Variants in ZNF578 observed in about 807,000 individuals in gnomAD.
ZNF578 encodes zinc finger protein 578.
Under a neutral mutation model 8.3 loss-of-function variants are expected in ZNF578, and 8 were observed. The ratio of observed to expected loss-of-function variants is 0.96; its 90% CI spans 0.56 to 1.74. The LOEUF (loss-of-function observed/expected upper bound fraction) is 1.74, where lower values mean the gene tolerates loss of function less well. Ranked by LOEUF, ZNF578 falls within the 40% of genes most tolerant of loss-of-function variation. ZNF578 has a pLI of 0.00. For missense variants in ZNF578, 726 were observed against 707.5 expected (o/e 1.03, Z -0.30); for synonymous variants, 206 against 232.2 (o/e 0.89, Z 1.03).
In ZNF578 at chr19:52,471,821, A is replaced by T. The variant is rs115437360; in HGVS notation, c.-122+14863A>T. Among the ~76,000 whole-genome samples, 996 of 152,336 alleles carry T rather than the reference A, an allele frequency of 6.5e-3. 9 individuals carry two copies. Among genetic ancestry groups the T allele is most frequent in the African/African-American group, 0.023 (958 of 41,570 alleles). On this transcript the variant is annotated intron_variant, in intron 2 of 5. Coordinates refer to ENST00000421239, the MANE Select transcript of ZNF578 (RefSeq NM_001099694.2). ...TGGGCAAAAGTTAAAATTACCAAAAAAAAGGTATGAAGGTGAATATATGAA... is the reference window on the plus strand; with the variant it reads ...TGGGCAAAAGTTAAAATTACCAAAATAAAGGTATGAAGGTGAATATATGAA...
intron 5 of ZNF578, among the ~76,000 whole-genome samples, chr19:52,507,293 TGG>T (rs2059428688): frequency 3.3e-5 from 5 of 152,034 alleles, no homozygotes; most frequent in African/African-American, 1.2e-4. Context: ...GAGGCTGAGA[TGG>T]GAGAATCACT....
At chr19:52,495,229 A>G (rs1317194547) in intron 3 of ZNF578, among the ~76,000 whole-genome samples, 1 of 139,868 alleles carries the variant, frequency 7.1e-6, no homozygotes, top group Non-Finnish European at 1.6e-5. Context: ...CAAGGGCACG[A>G]TCTTGGCTAA....
Position 52,514,750 on chromosome 19 carries a change from C to T in ZNF578, c.*2596C>T, listed in dbSNP as rs1215965656. The stretch of plus-strand genomic sequence containing the variant: ...CGATCTCAGCTCACTGCAACCTCTA[C>T]CTCCTTGGATCAAGTGATGCTCCTG... On this transcript the variant is annotated 3_prime_UTR_variant, in exon 6 of 6. Coordinates refer to ENST00000421239, the MANE Select transcript of ZNF578 (RefSeq NM_001099694.2). Among the ~76,000 whole-genome samples the T allele has an allele frequency of 1.3e-5, 2 of 152,098 alleles. No individual in the cohort carries two copies. Among genetic ancestry groups the T allele is most frequent in the Non-Finnish European group, 2.9e-5 (2 of 68,020 alleles).
In ZNF578 at chr19:52,515,645, G is replaced by A. The variant is rs541884596; in HGVS notation, c.*3491G>A. ...CCAGTGAGCCTCCCTGCAACTTGGCGACGAGGGGCTTGACCAGAAAAGGTC... is the reference window on the plus strand; with the variant it reads ...CCAGTGAGCCTCCCTGCAACTTGGCAACGAGGGGCTTGACCAGAAAAGGTC... On this transcript the variant is annotated 3_prime_UTR_variant, in exon 6 of 6. Transcript: ENST00000421239. Among the ~76,000 whole-genome samples, 91 of 152,058 alleles carry A rather than the reference G, an allele frequency of 6.0e-4. 2 individuals are homozygous for A. The South Asian group carries it at 0.011, about 19-fold the overall frequency.
intron 2 of ZNF578, among the ~76,000 whole-genome samples, chr19:52,489,446 G>T (rs1304911475): frequency 7.9e-5 from 12 of 151,236 alleles, no homozygotes. Context: ...AAATTAGCTG[G>T]GTGTGGTGGC....
At chr19:52,503,538 G>A (rs528784308) in intron 4 of ZNF578, among the ~76,000 whole-genome samples, 1 of 152,236 alleles carries the variant, frequency 6.6e-6, no homozygotes, top group South Asian at 2.1e-4. Flanking sequence ...ATAGAGATAT[G>A]GTTTCAGCAT....
intron 2 of ZNF578, among the ~76,000 whole-genome samples, chr19:52,489,457 G>A (rs1224165391): frequency 2.0e-5 from 3 of 150,332 alleles, no homozygotes; most frequent in East Asian, 2.1e-4. Context: ...GTGTGGTGGC[G>A]CATGCCTGTA....
intron 3 of ZNF578, among the ~76,000 whole-genome samples, chr19:52,501,614 G>C (rs1349150819): frequency 6.7e-6 from 1 of 149,642 alleles, no homozygotes; most frequent in African/African-American, 2.5e-5. Flanking sequence ...TGTGGTGGCT[G>C]CTCCAGGAGG....
rs1296089835 is a variant in ZNF578 at position 52,501,097 on chromosome 19, T to C, written c.-19-730T>C. Among the ~76,000 whole-genome samples the C allele has an allele frequency of 3.7e-4, 57 of 152,046 alleles. 1 individual carries two copies. Among genetic ancestry groups the C allele is most frequent in the Non-Finnish European group, 1.9e-4 (13 of 67,996 alleles). ...TTTCGCCATGTTGGCCAGTCTGGTC[T>C]TGAAGTCCTGACCCTGTGATCCAGC... On this transcript the variant is annotated intron_variant, in intron 3 of 5. Transcript: ENST00000421239.
intron 4 of ZNF578, among the ~76,000 whole-genome samples, chr19:52,503,514 T>G (rs1242315521): frequency 1.3e-5 from 2 of 152,016 alleles, no homozygotes; most frequent in Non-Finnish European, 2.9e-5. Flanking sequence ...CCTGGCTAAG[T>G]TTTTTGTATT....
chr19:52,474,222 A>G (rs2059301052), intron 2 of ZNF578: 2 of 308,250 alleles, frequency 6.5e-6, no homozygotes, highest in Non-Finnish European at 1.3e-5. Context: ...GCTTTGCCAC[A>G]TTCAATATAT....
At chr19:52,472,171 A>G (rs1366459817) in intron 2 of ZNF578, among the ~76,000 whole-genome samples, 1 of 152,128 alleles carries the variant, frequency 6.6e-6, no homozygotes, top group Admixed American at 6.5e-5. Flanking sequence ...CGGGTAGATC[A>G]CCTGAGGCCA....
intron 1 of ZNF578, chr19:52,453,952 G>A (rs1456391623): frequency 1.3e-5 from 2 of 152,264 alleles, no homozygotes; most frequent in African/African-American, 2.4e-5. Flanking sequence ...TTGGAGCTCG[G>A]TCCCGCAGTC....
intron 2 of ZNF578, among the ~76,000 whole-genome samples, chr19:52,483,728 A>G (rs1479513312): frequency 6.6e-6 from 1 of 152,232 alleles, no homozygotes; most frequent in East Asian, 1.9e-4. Context: ...ATGCATATAT[A>G]TAAAATTGCT....
rs775185721 is a variant in ZNF578 at position 52,504,799 on chromosome 19, G to C, written c.190+18G>C. 2 of 1,613,916 alleles carry C rather than the reference G, an allele frequency of 1.2e-6. No homozygotes were observed. Among genetic ancestry groups the C allele is most frequent in the Non-Finnish European group, 1.7e-6 (2 of 1,179,940 alleles). On this transcript the variant is annotated intron_variant, in intron 5 of 5. Coordinates refer to ENST00000421239, the MANE Select transcript of ZNF578 (RefSeq NM_001099694.2). Reference sequence around the variant, plus strand: ...GGCTGTGGGTGAGGAAAATGTCCCTGCAGACATGAGGAGTCTGCTCTTGTC... The same window carrying C: ...GGCTGTGGGTGAGGAAAATGTCCCTCCAGACATGAGGAGTCTGCTCTTGTC...
At position 52,513,091 on chromosome 19, in the gene ZNF578, A is replaced by T. The variant is rs1352830019; in HGVS notation, c.*937A>T. ...GCTAGAGTGCAATGGTGCGATCTTG[A>T]CTCACAGCAACCTCCGCCTCCTGGG... is the stretch of plus-strand genomic sequence containing the variant. On this transcript the variant is annotated 3_prime_UTR_variant, in exon 6 of 6. Coordinates refer to ENST00000421239, the MANE Select transcript of ZNF578 (RefSeq NM_001099694.2). 6.6e-6 allele frequency among the ~76,000 whole-genome samples: 1 copy of T among 151,972 alleles called. No individual in the cohort carries two copies. The highest frequency in any genetic ancestry group is 3.2e-3 in the Middle Eastern group (1 of 316).
chr19:52,475,766 T>C (rs2059306614), intron 2 of ZNF578, among the ~76,000 whole-genome samples: 1 of 152,212 alleles, frequency 6.6e-6, no homozygotes, highest in South Asian at 2.1e-4. Flanking sequence ...TCAGTAACAA[T>C]AGTGCCTGCG....
intron 2 of ZNF578, among the ~76,000 whole-genome samples, chr19:52,490,761 C>T (rs781573344): frequency 2.4e-4 from 36 of 152,040 alleles, no homozygotes; most frequent in Non-Finnish European, 4.7e-4. Context: ...CCTCAGCCTC[C>T]CGAGTAGCTG....
chr19:52,468,218 G>A (rs867576067), intron 2 of ZNF578, among the ~76,000 whole-genome samples: 15 of 152,190 alleles, frequency 9.9e-5, no homozygotes, highest in African/African-American at 3.4e-4. Context: ...TGACATTTCT[G>A]TAGCTTTTGG....
Sources: allele counts gnomAD v4.1 joint callset (sites outside exome capture counted in the v4.1 genomes callset), GRCh38; gene constraint gnomAD v4.1.1; transcripts MANE v1.5; gene names NCBI Gene and HGNC (gene_info 2026-07-23, HGNC 2026-07-21).